Variants in RPH3AL observed in about 807,000 individuals in gnomAD.
RPH3AL encodes rabphilin 3A like (without C2 domains).
Under a neutral mutation model 43.1 loss-of-function variants are expected in RPH3AL, and 38 were observed. The ratio of observed to expected loss-of-function variants is 0.88; its 90% CI spans 0.68 to 1.15. The LOEUF (loss-of-function observed/expected upper bound fraction) is 1.15. Among genes scored for constraint, RPH3AL ranks in the 50% most tolerant of loss-of-function variants. The probability of loss-of-function intolerance (pLI) is 0.00; values close to 1 mark genes in which losing one functional copy is unlikely to be tolerated. For synonymous variants in RPH3AL, 189 were observed against 176.3 expected (o/e 1.07, Z -0.57); for missense variants, 462 against 423.2 (o/e 1.09, Z -0.81).
intron 6 of RPH3AL, among the ~76,000 whole-genome samples, chr17:263,640 G>A (rs782751596): frequency 6.6e-5 from 10 of 152,226 alleles, no homozygotes; most frequent in East Asian, 1.9e-4. Context: ...AGGTCGACTC[G>A]TGGGGAGCTG....
intron 6 of RPH3AL, 67 bp downstream of exon 6, chr17:281,701 A>G: frequency 1.7e-6 from 1 of 583,584 alleles, no homozygotes; most frequent in East Asian, 6.3e-5. Context: ...CTGACCGTCC[A>G]CCCATCCCCA....
intron 6 of RPH3AL, among the ~76,000 whole-genome samples, chr17:268,930 G>A (rs893590437): frequency 1.3e-5 from 2 of 152,064 alleles, no homozygotes; most frequent in Admixed American, 1.3e-4. Flanking sequence ...CCAGGCTGGA[G>A]TGCAGTGCCG....
At chr17:268,014 C>A (rs1201326354) in intron 6 of RPH3AL, among the ~76,000 whole-genome samples, 1 of 152,186 alleles carries the variant, frequency 6.6e-6, no homozygotes, top group African/African-American at 2.4e-5. Context: ...CCCTCCCTCT[C>A]AGAGGTAACC....
chr17:330,111 A>G (rs2044715061), intron 2 of RPH3AL, among the ~76,000 whole-genome samples: 1 of 152,214 alleles, frequency 6.6e-6, no homozygotes, highest in African/African-American at 2.4e-5. Context: ...TTTCTCGGCC[A>G]GTGCCACCCA....
At chr17:315,721 C>G (rs201191516) in intron 5 of RPH3AL, among the ~76,000 whole-genome samples, 1 of 118,628 alleles carries the variant, frequency 8.4e-6, no homozygotes, top group African/African-American at 3.4e-5. Context: ...TGTGCCCCAC[C>G]TCTATTGACC....
intron 7 of RPH3AL, among the ~76,000 whole-genome samples, chr17:222,282 G>A (rs1295960057): frequency 6.6e-6 from 1 of 152,266 alleles, no homozygotes; most frequent in East Asian, 1.9e-4. Flanking sequence ...CAAGTTGTAA[G>A]TAGAAGAGCC....
At chr17:321,850 G>A (rs2044491028) in intron 3 of RPH3AL, among the ~76,000 whole-genome samples, 1 of 152,218 alleles carries the variant, frequency 6.6e-6, no homozygotes, top group African/African-American at 2.4e-5. Context: ...CTTAGCCCGG[G>A]AGCCAGAAAC....
intron 7 of RPH3AL, among the ~76,000 whole-genome samples, chr17:243,056 C>CCCTTCCTCTATTGATTA (rs2041613463): frequency 8.2e-6 from 1 of 121,606 alleles, no homozygotes; most frequent in Non-Finnish European, 1.7e-5. Flanking sequence ...CTATTGATTA[C>CCCTTCCTCTATTGATTA]CCTTCCTCTA....
At chr17:219,192 C>CTTTTTT (rs796389217) in intron 8 of RPH3AL, among the ~76,000 whole-genome samples, 852 of 58,000 alleles carry the variant, frequency 0.015, 184 homozygotes, top group African/African-American at 0.054. Flanking sequence ...ATAAACAGCA[C>CTTTTTT]TTTTTTTTTT....
chr17:262,326 C>T (rs1222456511), intron 6 of RPH3AL, among the ~76,000 whole-genome samples: 2 of 152,074 alleles, frequency 1.3e-5, no homozygotes, highest in Non-Finnish European at 2.9e-5. Context: ...TCAAGCAATT[C>T]TGCCTCAGCC....
intron 5 of RPH3AL, among the ~76,000 whole-genome samples, chr17:298,295 A>T (rs541944418): frequency 6.6e-6 from 1 of 152,182 alleles, no homozygotes; most frequent in Non-Finnish European, 1.5e-5. Flanking sequence ...GGGGTAGAGC[A>T]CCGGCCTCTC....
Position 215,431 on chromosome 17 carries a change from C to T in RPH3AL, c.876+223G>A, listed in dbSNP as rs958910346. Among the ~76,000 whole-genome samples the T allele has an allele frequency of 3.3e-5, 5 of 152,312 alleles. No individual in the cohort carries two copies. The highest frequency in any genetic ancestry group is 7.4e-5 in the Non-Finnish European group (5 of 68,026). ...GGATGGTAACCACTGCTGTGATTACCGAGAGTGGCTAGGGATGGCTACCAT... is the reference window on the plus strand; with the variant it reads ...GGATGGTAACCACTGCTGTGATTACTGAGAGTGGCTAGGGATGGCTACCAT... On this transcript the variant is annotated intron_variant, in intron 9 of 9. Coordinates refer to ENST00000331302, the MANE Select transcript of RPH3AL (RefSeq NM_006987.4). This position sits in a 1 kb window ranked among gnomAD's most constrained non-coding sequence, Gnocchi z 4.1.
chr17:236,869 C>T (rs761519123), intron 7 of RPH3AL, among the ~76,000 whole-genome samples: 13 of 152,260 alleles, frequency 8.5e-5, no homozygotes, highest in African/African-American at 1.2e-4. Flanking sequence ...GCGGGGCATG[C>T]GCTGGGTTTT....
At chr17:279,314 C>T (rs2042726458) in intron 6 of RPH3AL, among the ~76,000 whole-genome samples, 1 of 152,278 alleles carries the variant, frequency 6.6e-6, no homozygotes, top group South Asian at 2.1e-4. Flanking sequence ...GTTCCCAGCC[C>T]CATCCATTCC....
At position 215,712 on chromosome 17, in the gene RPH3AL, C is replaced by A. The variant is rs1204012571; in HGVS notation, c.818G>T (p.Gly273Val). 9.3e-6 allele frequency: 12 copies of A among 1,292,646 alleles called. No homozygotes were observed. The Admixed American group carries it at 4.5e-4, about 48-fold the overall frequency. The allele number at this position is 1,292,646 out of a possible 1,614,324, so 80.1% of individuals were successfully genotyped here. The change falls in exon 9 of 10, where the codon GGG (glycine) becomes GTG (valine). Residue 273 changes from glycine to valine, a missense_variant. Coordinates refer to ENST00000331302, the MANE Select transcript of RPH3AL (RefSeq NM_006987.4). The surrounding 1 kb of genome is among the most constrained non-coding windows in gnomAD (Gnocchi z 4.1). ...CQSSLASGET[G>V]TGSADPPGGP... ...CCCTGGCGGGTCAGCAGAGCCTGTC[C>A]CCGTCTCACCACTGGCCAGGCTGCT...
At chr17:320,623 A>G (rs1037615351) in intron 4 of RPH3AL, among the ~76,000 whole-genome samples, 1 of 152,134 alleles carries the variant, frequency 6.6e-6, no homozygotes, top group African/African-American at 2.4e-5. Flanking sequence ...TACACTGCAG[A>G]GTGAGACCCT....
rs563927531 is a variant in RPH3AL, at chr17:264,194, G to C, written c.439-16909C>G. Among the ~76,000 whole-genome samples the C allele has an allele frequency of 6.6e-6, 1 of 152,164 alleles. No individual in the cohort carries two copies. The highest frequency in any genetic ancestry group is 2.1e-4 in the South Asian group (1 of 4,828). ...CTTGTTTCTAGCATTGTTTTCTGCC[G>C]GAAATGCCATCTGTCACTCAAACCC... On this transcript the variant is annotated intron_variant, in intron 6 of 9. Transcript: ENST00000331302. This position sits in a 1 kb window ranked among gnomAD's most constrained non-coding sequence, Gnocchi z 4.8.
chr17:269,927 G>A (rs532207955), intron 6 of RPH3AL, among the ~76,000 whole-genome samples: 17 of 152,198 alleles, frequency 1.1e-4, no homozygotes, highest in Non-Finnish European at 2.2e-4. Flanking sequence ...CTGCAGGGGT[G>A]CAGTGCAGGA....
At chr17:214,004 A>G (rs993953863) in intron 9 of RPH3AL, 81 bp from the exon 10 acceptor site, 3 of 1,082,398 alleles carry the variant, frequency 2.8e-6, no homozygotes, top group Non-Finnish European at 4.1e-6. Flanking sequence ...GCCTTTGGGA[A>G]TGAGATGGAG....
Sources: gnomAD v4.1 joint callset for allele counts (sites outside exome capture counted in the v4.1 genomes callset) on GRCh38, gnomAD v4.1.1 for gene constraint, Gnocchi (gnomAD v3.1) non-coding constraint, MANE v1.5 for transcripts, NCBI Gene and HGNC (gene_info 2026-07-23, HGNC 2026-07-21) for gene names.